KMT2B: variants seen among roughly 807,000 people sequenced by gnomAD.
The protein encoded by KMT2B is lysine methyltransferase 2B.
Under a neutral mutation model 255.3 loss-of-function variants are expected in KMT2B, and 22 were observed. The observed-to-expected ratio is 0.09, with a 90% CI of 0.06 to 0.12. The LOEUF is 0.12. Ranked by LOEUF, KMT2B falls within the 10% of genes least tolerant of loss-of-function variation. The pLI is 1.00. For synonymous variants in KMT2B, 1,730 were observed against 1,498.1 expected (o/e 1.15, Z -3.57); for missense variants, 3,149 against 3,737.0 (o/e 0.84, Z 4.10).
Position 35,733,534 on chromosome 19 carries a change from G to C in KMT2B, c.6959+26G>C. On this transcript the variant is annotated intron_variant, in intron 28 of 36. Transcript: ENST00000420124. This position sits in a 1 kb window ranked among gnomAD's most constrained non-coding sequence, Gnocchi z 4.3. ...GTGAGTGCGGGTGCTGAGGCTGGCA[G>C]AGCAGGCAAGGGGGCAGATGGGCGG... is the stretch of plus-strand genomic sequence containing the variant. 1 of 1,554,176 alleles carries C rather than the reference G, an allele frequency of 6.4e-7. No homozygotes were observed. Among genetic ancestry groups the C allele is most frequent in the Middle Eastern group, 1.7e-4 (1 of 5,976 alleles).
rs1279333436 is a variant in KMT2B, at chr19:35,729,290, G to A, written c.4911G>A (p.Arg1637=). ...KNVHAAVARG[R]QMRCELCLKP... ...TGCATGCTGCTGTGGCCCGAGGGAG[G>A]CAGATGGTGAGGGCGCGGGCGCAGA... Residue 1637 remains arginine (R), a synonymous_variant, in exon 22 of 37, where the codon AGG becomes AGA. Coordinates refer to ENST00000420124, the MANE Select transcript of KMT2B (RefSeq NM_014727.3). 1 of 1,598,222 alleles carries A rather than the reference G, an allele frequency of 6.3e-7. No individual in the cohort carries two copies. The highest frequency in any genetic ancestry group is 8.5e-7 in the Non-Finnish European group (1 of 1,172,846).
Position 35,733,917 on chromosome 19 carries a change from C to T in KMT2B, c.7159+45C>T, listed in dbSNP as rs1195977978. 2.8e-6 allele frequency: 4 copies of T among 1,409,370 alleles called. No homozygotes were observed. The highest frequency in any genetic ancestry group is 1.2e-5 in the South Asian group (1 of 83,998). The allele number at this position is 1,409,370 out of a possible 1,614,324, so 87.3% of individuals were successfully genotyped here. The stretch of plus-strand genomic sequence containing the variant: ...TCTCCCTCCTTGCCTGTGCCTGGCT[C>T]AGCTGGGTGACTCACAGATGCAAAA... On this transcript the variant is annotated intron_variant, in intron 30 of 36. Transcript: ENST00000420124. This position sits in a 1 kb window ranked among gnomAD's most constrained non-coding sequence, Gnocchi z 4.3.
Position 35,719,846 on chromosome 19 carries a change from G to C in KMT2B, c.499G>C (p.Ala167Pro). 1 of 1,612,908 alleles carries C rather than the reference G, an allele frequency of 6.2e-7. No homozygotes were observed. Among genetic ancestry groups the C allele is most frequent in the Non-Finnish European group, 8.5e-7 (1 of 1,179,668 alleles). Residue 167 changes from alanine (A) to proline (P), a missense_variant, in exon 3 of 37, where the codon GCA (alanine) becomes CCA (proline). Transcript: ENST00000420124. ...GACCCCCCTTCCTCCTCCTCGCCTA[G>C]CAGATGTGGCTCCTACCCCCCCAAA... The part of the protein sequence containing the change: ...KTTPLPPPRL[A>P]DVAPTPPKTP...
In KMT2B at chr19:35,725,128, G is replaced by T. The variant is rs368445998; in HGVS notation, c.3528+41G>T. The T allele has an allele frequency of 6.3e-7, 1 of 1,584,922 alleles. No homozygotes were observed. The highest frequency in any genetic ancestry group is 1.1e-5 in the South Asian group (1 of 90,496). On this transcript the variant is annotated intron_variant, in intron 10 of 36. Transcript: ENST00000420124. The surrounding 1 kb of genome is among the most constrained non-coding windows in gnomAD (Gnocchi z 4.1). ...GGGCGAGTCACAGAGCCTCTGGTTG[G>T]AAGAACCTCGATGACTGTGTCATCG...
In KMT2B at chr19:35,725,559, C is replaced by T. The variant is rs762663354; in HGVS notation, c.3723C>T (p.His1241=). The T allele has an allele frequency of 6.8e-6, 11 of 1,610,668 alleles. No homozygotes were observed. The highest frequency in any genetic ancestry group is 6.7e-5 in the African/African-American group (5 of 74,952). Residue 1241 remains histidine (H), a synonymous_variant, in exon 12 of 37, where the codon CAC becomes CAT. Transcript: ENST00000420124. This position sits in a 1 kb window ranked among gnomAD's most constrained non-coding sequence, Gnocchi z 4.1. Reference sequence around the variant, plus strand: ...CCGAGCGGCCCCTGCCCCAGCATCACGACACCTGGTGCTGCCGTCGCTGCA... The same window carrying T: ...CCGAGCGGCCCCTGCCCCAGCATCATGACACCTGGTGCTGCCGTCGCTGCA... The part of the protein sequence containing the change: ...EEAERPLPQH[H]DTWCCRRCKF...
Position 35,727,392 on chromosome 19 carries a change from C to T in KMT2B, c.4118-46C>T, listed in dbSNP as rs1969501432. On this transcript the variant is annotated intron_variant, in intron 15 of 36. Transcript: ENST00000420124. The surrounding 1 kb of genome is among the most constrained non-coding windows in gnomAD (Gnocchi z 4.2). ...TGGCCTAGGGGCTGCTGGGAGCCCT[C>T]ACATCCTCTGAAACCACTTTTCCCT... is the stretch of plus-strand genomic sequence containing the variant. The T allele has an allele frequency of 6.2e-7, 1 of 1,606,960 alleles. No individual in the cohort carries two copies. Among genetic ancestry groups the T allele is most frequent in the Non-Finnish European group, 8.5e-7 (1 of 1,174,272 alleles).
At chr19:35,736,491 C>T (rs1018565200) in intron 30 of KMT2B, 199 bp from the exon 31 acceptor site, 11 of 630,764 alleles carry the variant, frequency 1.7e-5, no homozygotes, top group East Asian at 2.8e-5. Flanking sequence ...GAAGAGGAGC[C>T]GCAGGCTCCT....
chr19:35,736,435 G>A, intron 30 of KMT2B: 1 of 501,614 alleles, frequency 2.0e-6, no homozygotes, highest in Non-Finnish European at 3.6e-6. Flanking sequence ...AGAGCCAAAA[G>A]GCCCCAAGCC....
Position 35,722,431 on chromosome 19 carries a change from T to C in KMT2B, c.2530T>C (p.Ser844Pro). ...KQISDRGPVR[S>P]EDESVEAKRE... The stretch of plus-strand genomic sequence containing the variant: ...GATCTCCGACAGAGGCCCTGTCCGG[T>C]CTGAAGATGAGTCGGTGGAAGCTAA... The change falls in exon 4 of 37, where the codon TCT becomes CCT. Residue 844 changes from serine (S) to proline (P), a missense_variant. Ser to Pro is a moderately conservative substitution (Grantham distance 74). Transcript: ENST00000420124. 4 of 1,610,444 alleles carry C rather than the reference T, an allele frequency of 2.5e-6. No homozygotes were observed. Among genetic ancestry groups the C allele is most frequent in the Non-Finnish European group, 3.4e-6 (4 of 1,179,810 alleles).
chr19:35,726,494 T>C, intron 14 of KMT2B, 141 bp downstream of exon 14: 1 of 657,248 alleles, frequency 1.5e-6, no homozygotes, highest in Admixed American at 2.3e-5. Flanking sequence ...CAGGGAACTC[T>C]TCCACAGGAG....
At chr19:35,734,517 C>T (rs948093702) in intron 30 of KMT2B, among the ~76,000 whole-genome samples, 3 of 152,074 alleles carry the variant, frequency 2.0e-5, no homozygotes, top group South Asian at 2.1e-4. Flanking sequence ...GCCAAGACAG[C>T]GGAGCCATGG....
In KMT2B at chr19:35,729,167, G is replaced by A. The variant is rs1180577617; in HGVS notation, c.4788G>A (p.Gly1596=). Residue 1596 remains glycine (G), a synonymous_variant, in exon 22 of 37, where the codon GGG becomes GGA. Transcript: ENST00000420124. ...CTCCTCTTCTGCCCCAGGAGGCGGG[G>A]CGGCTCTTGTACATCGGGCAGAACG... The part of the protein sequence containing the change: ...KYGDADSKEA[G]RLLYIGQNEW... The A allele has an allele frequency of 1.2e-6, 2 of 1,613,700 alleles. No homozygotes were observed. The highest frequency in any genetic ancestry group is 1.1e-5 in the South Asian group (1 of 91,036).
In KMT2B at chr19:35,722,266, G is replaced by A; in HGVS notation, c.2458-93G>A. ...GATCTGCCCGTCTCGGCCTCCCAAAGTGCTGGGATTACAGGCATCAGCCAC... is the reference window on the plus strand; with the variant it reads ...GATCTGCCCGTCTCGGCCTCCCAAAATGCTGGGATTACAGGCATCAGCCAC... On this transcript the variant is annotated intron_variant, in intron 3 of 36. Transcript: ENST00000420124. The A allele has an allele frequency of 3.0e-6, 4 of 1,320,206 alleles. No homozygotes were observed. In the South Asian group the frequency reaches 5.7e-5, roughly 19 times the overall value. The allele number at this position is 1,320,206 out of a possible 1,614,324, so 81.8% of individuals were successfully genotyped here.
chr19:35,725,141 G>T lies in KMT2B; in HGVS notation c.3528+54G>T. The stretch of plus-strand genomic sequence containing the variant: ...AGCCTCTGGTTGGAAGAACCTCGAT[G>T]ACTGTGTCATCGAGAAGCCAGGTGG... On this transcript the variant is annotated intron_variant, in intron 10 of 36. Coordinates refer to ENST00000420124, the MANE Select transcript of KMT2B (RefSeq NM_014727.3). The surrounding 1 kb of genome is among the most constrained non-coding windows in gnomAD (Gnocchi z 4.1). 1 of 1,580,446 alleles carries T rather than the reference G, an allele frequency of 6.3e-7. No individual in the cohort carries two copies. The highest frequency in any genetic ancestry group is 1.1e-5 in the South Asian group (1 of 90,476).
At position 35,721,115 on chromosome 19, in the gene KMT2B, C is replaced by G. The variant is rs757278967; in HGVS notation, c.1768C>G (p.Pro590Ala). 6 of 1,609,856 alleles carry G rather than the reference C, an allele frequency of 3.7e-6. No homozygotes were observed. Among genetic ancestry groups the G allele is most frequent in the Non-Finnish European group, 5.1e-6 (6 of 1,178,544 alleles). Residue 590 changes from proline (P) to alanine (A), a missense_variant, in exon 3 of 37, where the codon CCA (proline) becomes GCA (alanine). Transcript: ENST00000420124. ...VPSPPRAPTP[P>A]STPVPLPEKR... ...CTCTCCACCACGTGCCCCAACTCCT[C>G]CATCTACCCCAGTTCCACTCCCTGA...
intron 5 of KMT2B, 70 bp from the exon 6 acceptor site, chr19:35,722,925 A>G (rs1969279459): frequency 6.8e-7 from 1 of 1,461,160 alleles, no homozygotes; most frequent in Admixed American, 2.7e-5. Flanking sequence ...GGTTGTGGGA[A>G]AGCAGGGAAG....
At chr19:35,736,416 G>A (rs550910204) in intron 30 of KMT2B, 8 of 461,590 alleles carry the variant, frequency 1.7e-5, no homozygotes, top group South Asian at 5.7e-5. Flanking sequence ...AGCCATAGGC[G>A]TGTCCTGAAG....
chr19:35,725,773 G>C lies in KMT2B; in HGVS notation c.3840G>C (p.Leu1280=). The C allele has an allele frequency of 6.3e-7, 1 of 1,599,684 alleles. No individual in the cohort carries two copies. Among genetic ancestry groups the C allele is most frequent in the Non-Finnish European group, 8.5e-7 (1 of 1,173,572 alleles). Residue 1280 remains leucine (L), a synonymous_variant, in exon 13 of 37, where the codon CTG becomes CTC. Coordinates refer to ENST00000420124, the MANE Select transcript of KMT2B (RefSeq NM_014727.3). The surrounding 1 kb of genome is among the most constrained non-coding windows in gnomAD (Gnocchi z 4.1). ...RCRHAYHPAC[L]GPSYPTRATR... is the part of the protein sequence containing the mutation. ...GCCATGCATACCACCCGGCCTGTCT[G>C]GGGCCCAGCTATCCAACCCGGGCCA...
In KMT2B at chr19:35,723,341, C is replaced by G; in HGVS notation, c.3002+67C>G. On this transcript the variant is annotated intron_variant, in intron 6 of 36. Transcript: ENST00000420124. This position sits in a 1 kb window ranked among gnomAD's most constrained non-coding sequence, Gnocchi z 7.5. ...CCCCTAGGCTTCCTACCTCACTCCT[C>G]TTCTGCCTGGCCAGAGCAGTGGGGT... 6.4e-7 allele frequency: 1 copy of G among 1,571,462 alleles called. No homozygotes were observed. Among genetic ancestry groups the G allele is most frequent in the Non-Finnish European group, 8.7e-7 (1 of 1,154,468 alleles).
Sources: allele counts gnomAD v4.1 joint callset (sites outside exome capture counted in the v4.1 genomes callset), GRCh38; gene constraint gnomAD v4.1.1; non-coding constraint Gnocchi (gnomAD v3.1); transcripts MANE v1.5; gene names NCBI Gene and HGNC (gene_info 2026-07-23, HGNC 2026-07-21).